The following SNTG1 variants were observed in gnomAD, a reference collection of about 807,000 sequenced individuals.
SNTG1 encodes gamma-1-syntrophin.
SNTG1 carries 39 observed loss-of-function variants against 74.7 expected under a neutral mutation model. The observed-to-expected ratio is 0.52, with a 90% CI of 0.40 to 0.68. SNTG1 has a LOEUF of 0.68. Ranked by LOEUF, SNTG1 falls within the 30% of genes least tolerant of loss-of-function variation. SNTG1 has a pLI of 0.00. For missense variants in SNTG1, 685 were observed against 609.5 expected, an observed-to-expected ratio of 1.12 and a Z score of -1.30; for synonymous variants, 254 against 217.1, an observed-to-expected ratio of 1.17 and a Z score of -1.49.
intron 1 of SNTG1, among the ~76,000 whole-genome samples, chr8:50,109,355 C>T (rs1215319779): frequency 6.6e-6 from 1 of 152,150 alleles, no homozygotes; most frequent in African/African-American, 2.4e-5. Context: ...TTTCAAGTTT[C>T]TTCAATCTTA....
chr8:50,439,643 A>G (rs2093339042), intron 5 of SNTG1, among the ~76,000 whole-genome samples: 1 of 151,964 alleles, frequency 6.6e-6, no homozygotes, highest in Non-Finnish European at 1.5e-5. Context: ...AGGCATGCAG[A>G]ACAGATTATA....
At chr8:50,045,483 TCCAATCACCTCCCAC>T (rs1402851735) in intron 1 of SNTG1, among the ~76,000 whole-genome samples, 1 of 152,110 alleles carries the variant, frequency 6.6e-6, no homozygotes, top group Non-Finnish European at 1.5e-5. Flanking sequence ...ACCCCCATGA[TCCAATCACCTCCCAC>T]CAGACCGCAT....
intron 17 of SNTG1, among the ~76,000 whole-genome samples, chr8:50,740,750 C>T (rs2095541337): frequency 1.3e-5 from 2 of 151,980 alleles, no homozygotes; most frequent in Non-Finnish European, 1.5e-5. Flanking sequence ...AAATGCCCAT[C>T]AGTGGTAAAC....
At chr8:49,961,454 T>C (rs1286186196) in intron 1 of SNTG1, among the ~76,000 whole-genome samples, 1 of 152,208 alleles carries the variant, frequency 6.6e-6, no homozygotes, top group Non-Finnish European at 1.5e-5. Flanking sequence ...TGCTATTCCT[T>C]AAACATAATC....
At chr8:50,655,350 C>G (rs938840890) in intron 13 of SNTG1, among the ~76,000 whole-genome samples, 1 of 152,066 alleles carries the variant, frequency 6.6e-6, no homozygotes, top group South Asian at 2.1e-4. Flanking sequence ...GTTATCTGAT[C>G]AACTATACCT....
intron 8 of SNTG1, among the ~76,000 whole-genome samples, chr8:50,484,784 A>G (rs1427957902): frequency 6.6e-6 from 1 of 151,562 alleles, no homozygotes; most frequent in East Asian, 2.0e-4. Flanking sequence ...GCTTGAACTC[A>G]GGAAGGGGAG....
At chr8:50,263,062 C>T (rs993529725) in intron 2 of SNTG1, among the ~76,000 whole-genome samples, 2 of 151,988 alleles carry the variant, frequency 1.3e-5, no homozygotes, top group Non-Finnish European at 2.9e-5. Flanking sequence ...TACTCTTGTC[C>T]AAATGTATGT....
chr8:50,115,048 A>T (rs2080758053), intron 1 of SNTG1, among the ~76,000 whole-genome samples: 1 of 152,122 alleles, frequency 6.6e-6, no homozygotes, highest in Non-Finnish European at 1.5e-5. Flanking sequence ...TCAAGAATAG[A>T]TTTGCCATGA....
intron 8 of SNTG1, among the ~76,000 whole-genome samples, chr8:50,469,490 T>G (rs550089024): frequency 2.0e-5 from 3 of 152,234 alleles, no homozygotes; most frequent in African/African-American, 7.2e-5. Flanking sequence ...AGTCATTATC[T>G]GGGCTTCAGC....
At chr8:50,688,894 G>C (rs1244305389) in intron 15 of SNTG1, among the ~76,000 whole-genome samples, 1 of 151,968 alleles carries the variant, frequency 6.6e-6, no homozygotes, top group Non-Finnish European at 1.5e-5. Flanking sequence ...CATGAGCATG[G>C]AATGTTCTCC....
At chr8:50,102,197 T>C (rs1274648266) in intron 1 of SNTG1, among the ~76,000 whole-genome samples, 2 of 146,056 alleles carry the variant, frequency 1.4e-5, no homozygotes, top group Admixed American at 6.9e-5. Context: ...TGTTCCTATT[T>C]CTCCACATCC....
chr8:50,652,571 TG>T (rs2095153970), intron 13 of SNTG1, among the ~76,000 whole-genome samples: 1 of 152,092 alleles, frequency 6.6e-6, no homozygotes, highest in African/African-American at 2.4e-5. Context: ...CAAAGGAGGA[TG>T]GATCATTTGA....
At chr8:50,761,170 C>T (rs2095597655) in intron 18 of SNTG1, among the ~76,000 whole-genome samples, 1 of 151,980 alleles carries the variant, frequency 6.6e-6, no homozygotes, top group Non-Finnish European at 1.5e-5. Context: ...AAAGCTTATC[C>T]ACCACGATCA....
rs375329419 is a variant in SNTG1 at position 50,524,933 on chromosome 8, A to C, written c.467-5244A>C. ...TAAAAATTACTATGAATACACCTTC[A>C]TTATTCTGTATTTGTCTACATCTAC... On this transcript the variant is annotated intron_variant, in intron 9 of 18. Transcript: ENST00000642720. Among the ~76,000 whole-genome samples the C allele has an allele frequency of 2.5e-4, 38 of 152,266 alleles. 1 individual carries two copies. In the South Asian group the frequency reaches 4.8e-3, roughly 19 times the overall value.
At chr8:49,948,421 T>C (rs1047882109) in intron 1 of SNTG1, among the ~76,000 whole-genome samples, 4 of 152,260 alleles carry the variant, frequency 2.6e-5, no homozygotes, top group East Asian at 1.9e-4. Context: ...AGATCTATTG[T>C]TGTGAGGAAC....
At chr8:50,699,751 A>T (rs1585575772) in intron 15 of SNTG1, among the ~76,000 whole-genome samples, 1 of 152,330 alleles carries the variant, frequency 6.6e-6, no homozygotes, top group Non-Finnish European at 1.5e-5. Flanking sequence ...TCAAACTATG[A>T]CAAAAGAGAA....
At chr8:50,302,044 A>T (rs1375128948) in intron 2 of SNTG1, among the ~76,000 whole-genome samples, 1 of 151,980 alleles carries the variant, frequency 6.6e-6, no homozygotes, top group Non-Finnish European at 1.5e-5. Context: ...TTTGGTAGAG[A>T]CAGAGTTTCA....
chr8:50,670,973 G>A (rs930001001), intron 15 of SNTG1, among the ~76,000 whole-genome samples: 1 of 150,656 alleles, frequency 6.6e-6, no homozygotes, highest in African/African-American at 2.4e-5. Flanking sequence ...ATGGTGCTGG[G>A]AAAACTGGCT....
intron 9 of SNTG1, among the ~76,000 whole-genome samples, chr8:50,522,667 C>T (rs1235109683): frequency 2.0e-5 from 3 of 151,664 alleles, no homozygotes; most frequent in African/African-American, 7.3e-5. Flanking sequence ...CAGCCTTTGC[C>T]ACTGAGGTTC....
Sources: gnomAD v4.1 joint callset for allele counts (sites outside exome capture counted in the v4.1 genomes callset) on GRCh38, gnomAD v4.1.1 for gene constraint, MANE v1.5 for transcripts, NCBI Gene and HGNC (gene_info 2026-07-23, HGNC 2026-07-21) for gene names.